The following COLEC10 variants were observed in gnomAD, a reference collection of about 807,000 sequenced individuals.
COLEC10 encodes the protein collectin-10.
Under a neutral mutation model 28.4 loss-of-function variants are expected in COLEC10, and 22 were observed. The ratio of observed to expected loss-of-function variants is 0.78; its 90% CI spans 0.55 to 1.11. COLEC10 has a LOEUF of 1.11. Ranked by LOEUF, COLEC10 falls within the 50% of genes least tolerant of loss-of-function variation. The probability of loss-of-function intolerance (pLI) is 0.00; values close to 1 mark genes in which losing one functional copy is unlikely to be tolerated. For missense variants in COLEC10, 361 were observed against 344.1 expected, an observed-to-expected ratio of 1.05 and a Z score of -0.39; for synonymous variants, 125 against 116.1, an observed-to-expected ratio of 1.08 and a Z score of -0.49.
At chr8:118,962,213 T>A in the COLEC10 span, among the ~76,000 whole-genome samples, 2 of 152,312 alleles carry the variant, frequency 1.3e-5, no homozygotes, top group Non-Finnish European at 2.9e-5. Context: ...TTTACTAGTA[T>A]GATGAGGAAA....
chr8:118,969,781 G>T, the COLEC10 span, among the ~76,000 whole-genome samples: 1 of 150,004 alleles, frequency 6.7e-6, no homozygotes, highest in Non-Finnish European at 1.5e-5. Flanking sequence ...TTTATTACAC[G>T]CACTGTAGCA....
intron 2 of COLEC10, among the ~76,000 whole-genome samples, chr8:119,057,116 G>T (rs1418015711): frequency 6.6e-6 from 1 of 151,900 alleles, no homozygotes; most frequent in East Asian, 1.9e-4. Context: ...ACGTGTTGAG[G>T]GAGGGAGGTG....
At chr8:118,983,297 TG>T in the COLEC10 span, among the ~76,000 whole-genome samples, 1 of 152,314 alleles carries the variant, frequency 6.6e-6, no homozygotes, top group East Asian at 1.9e-4. Context: ...TTACTCCTTT[TG>T]TTTATATTTC....
At chr8:119,076,561 C>A (rs560109815) in intron 1 of COLEC10, among the ~76,000 whole-genome samples, 1 of 152,314 alleles carries the variant, frequency 6.6e-6, no homozygotes, top group South Asian at 2.1e-4. Context: ...CCATGCCCAG[C>A]CAACACAAAA....
chr8:119,072,390 A>C (rs1815142415), intron 1 of COLEC10, among the ~76,000 whole-genome samples: 1 of 152,096 alleles, frequency 6.6e-6, no homozygotes, highest in Non-Finnish European at 1.5e-5. Context: ...ACTTTGAGCA[A>C]AAAGGTTTTA....
the COLEC10 span, among the ~76,000 whole-genome samples, chr8:118,983,462 C>T: frequency 6.6e-6 from 1 of 152,036 alleles, no homozygotes; most frequent in African/African-American, 2.4e-5. Context: ...TTTATGGAGG[C>T]TCATAGATAC....
chr8:119,027,186 G>A (rs980438964), intron 2 of COLEC10, among the ~76,000 whole-genome samples: 1 of 152,108 alleles, frequency 6.6e-6, no homozygotes, highest in African/African-American at 2.4e-5. Flanking sequence ...AATCAGTTGT[G>A]TTATTCCTTA....
rs138942657 is a variant in COLEC10, at chr8:119,076,498, G to A, written c.148+9069G>A. On this transcript the variant is annotated intron_variant, in intron 1 of 5. Coordinates refer to ENST00000332843, the MANE Select transcript of COLEC10 (RefSeq NM_006438.5). ...GGCTGGTCTTGAACTCCTGACCTCA[G>A]GTGATCCACCCGCCTAGGCCTCCCA... 4.3e-3 allele frequency among the ~76,000 whole-genome samples: 649 copies of A among 151,988 alleles called. 2 individuals are homozygous for A. The highest frequency in any genetic ancestry group is 0.015 in the African/African-American group (613 of 41,462).
At chr8:119,046,564 T>TA (rs1246994004) in intron 2 of COLEC10, among the ~76,000 whole-genome samples, 1 of 152,214 alleles carries the variant, frequency 6.6e-6, no homozygotes, top group Non-Finnish European at 1.5e-5. Context: ...ACAGATGCTT[T>TA]ACCCATATTT....
intron 3 of COLEC10, among the ~76,000 whole-genome samples, chr8:119,092,094 G>A (rs980907605): frequency 7.0e-6 from 1 of 143,778 alleles, no homozygotes; most frequent in Admixed American, 7.1e-5. Context: ...TTTTGAGATG[G>A]AGTCTTGCTC....
intron 2 of COLEC10, among the ~76,000 whole-genome samples, chr8:119,030,947 T>C (rs561719110): frequency 1.3e-5 from 2 of 152,310 alleles, no homozygotes; most frequent in East Asian, 3.9e-4. Flanking sequence ...TCTAACAGTA[T>C]CACACTCTGT....
chr8:119,092,318 C>T (rs1427870105), intron 3 of COLEC10, among the ~76,000 whole-genome samples: 5 of 152,016 alleles, frequency 3.3e-5, no homozygotes, highest in South Asian at 2.1e-4. Flanking sequence ...GTGATCTGCC[C>T]GCCTTGGCCT....
chr8:119,015,903 A>T (rs572649986), intron 2 of COLEC10, among the ~76,000 whole-genome samples: 2 of 152,312 alleles, frequency 1.3e-5, no homozygotes, highest in South Asian at 4.1e-4. Context: ...GGTTCTAATA[A>T]AGGTAGTAAC....
chr8:119,014,248 G>A (rs975302825), intron 2 of COLEC10, among the ~76,000 whole-genome samples: 2 of 149,460 alleles, frequency 1.3e-5, no homozygotes, highest in South Asian at 2.1e-4. Flanking sequence ...TTCTTGCAAG[G>A]TTGCTCTACC....
the COLEC10 span, among the ~76,000 whole-genome samples, chr8:118,957,108 A>G: frequency 6.6e-6 from 1 of 152,222 alleles, no homozygotes; most frequent in Non-Finnish European, 1.5e-5. Flanking sequence ...TACCATTAAC[A>G]AATCAGGAAA....
chr8:119,099,985 C>A (rs982786870), intron 3 of COLEC10, among the ~76,000 whole-genome samples: 7 of 152,070 alleles, frequency 4.6e-5, no homozygotes. Flanking sequence ...CTGGAATCAA[C>A]GTTCCATCTG....
At chr8:118,975,858 A>G in the COLEC10 span, among the ~76,000 whole-genome samples, 2 of 152,124 alleles carry the variant, frequency 1.3e-5, no homozygotes, top group African/African-American at 4.8e-5. Context: ...AATTCTGTAA[A>G]CCACGAATTT....
chr8:119,076,605 A>T (rs1815242862), intron 1 of COLEC10, among the ~76,000 whole-genome samples: 1 of 152,218 alleles, frequency 6.6e-6, no homozygotes, highest in Admixed American at 6.5e-5. Flanking sequence ...TATTATCTGC[A>T]TTCAAGAGCT....
chr8:118,962,014 G>A, the COLEC10 span, among the ~76,000 whole-genome samples: 1 of 152,130 alleles, frequency 6.6e-6, no homozygotes, highest in South Asian at 2.1e-4. Flanking sequence ...TCACCCCCCT[G>A]TTGTTTTGCA....
Sources: allele counts gnomAD v4.1 joint callset (sites outside exome capture counted in the v4.1 genomes callset), GRCh38; gene constraint gnomAD v4.1.1; transcripts MANE v1.5; gene names NCBI Gene and HGNC (gene_info 2026-07-23, HGNC 2026-07-21).